BEGAIN: variants seen among roughly 807,000 people sequenced by gnomAD.
The protein encoded by BEGAIN is brain-enriched guanylate kinase-associated protein.
In BEGAIN, 19 loss-of-function variants were observed where a neutral mutation model predicts 35.8. The observed-to-expected ratio is 0.53, with a 90% CI of 0.37 to 0.78. The LOEUF (loss-of-function observed/expected upper bound fraction) is 0.78, where lower values mean the gene tolerates loss of function less well. Ranked by LOEUF, BEGAIN falls within the 30% of genes least tolerant of loss-of-function variation. The probability of loss-of-function intolerance (pLI) is 0.00; values close to 1 mark genes in which losing one functional copy is unlikely to be tolerated. For missense variants in BEGAIN, 795 were observed against 853.6 expected, an observed-to-expected ratio of 0.93 and a Z score of 0.85; for synonymous variants, 462 against 388.6, an observed-to-expected ratio of 1.19 and a Z score of -2.22.
chr14:100,560,813 C>T (rs1265823698), intron 2 of BEGAIN, among the ~76,000 whole-genome samples: 7 of 152,216 alleles, frequency 4.6e-5, no homozygotes, highest in African/African-American at 9.6e-5. Context: ...TCCTGCTTCC[C>T]GTCTCACGTC....
rs2034799059 is a variant in BEGAIN, at chr14:100,567,513, G to A, written c.71+398C>T. On this transcript the variant is annotated intron_variant, in intron 2 of 6. Coordinates refer to ENST00000554140, the MANE Select transcript of BEGAIN (RefSeq NM_001385089.1). This position sits in a 1 kb window ranked among gnomAD's most constrained non-coding sequence, Gnocchi z 5.1. ...GGGTGGTGGTTGGGGGTGGGGTGGGGTCGGGGGAGAGAGCGCCGGGGCAGT... is the reference window on the plus strand; with the variant it reads ...GGGTGGTGGTTGGGGGTGGGGTGGGATCGGGGGAGAGAGCGCCGGGGCAGT... Among the ~76,000 whole-genome samples, 1 of 151,572 alleles carries A rather than the reference G, an allele frequency of 6.6e-6. No homozygotes were observed. The highest frequency in any genetic ancestry group is 1.5e-5 in the Non-Finnish European group (1 of 67,760).
In BEGAIN at chr14:100,555,593, A is replaced by C. The variant is rs1370765142; in HGVS notation, c.72-8931T>G. On this transcript the variant is annotated intron_variant, in intron 2 of 6. Coordinates refer to ENST00000554140, the MANE Select transcript of BEGAIN (RefSeq NM_001385089.1). ...GAAACAGGTTCACAGCGCTCAAGGAACAGGGCCTGTCTGAGGTCACACAGC... is the reference window on the plus strand; with the variant it reads ...GAAACAGGTTCACAGCGCTCAAGGACCAGGGCCTGTCTGAGGTCACACAGC... Among the ~76,000 whole-genome samples the C allele has an allele frequency of 1.7e-4, 26 of 152,236 alleles. 1 individual carries two copies. The highest frequency in any genetic ancestry group is 2.9e-5 in the Non-Finnish European group (2 of 68,038).
intron 1 of BEGAIN, chr14:100,577,679 C>T (rs972712279): frequency 4.8e-5 from 19 of 399,014 alleles, no homozygotes; most frequent in African/African-American, 3.9e-4. Flanking sequence ...CCAGTGACAG[C>T]CCGGCTGCCT....
Position 100,537,881 on chromosome 14 carries a change from A to C in BEGAIN, c.*88T>G. On this transcript the variant is annotated 3_prime_UTR_variant, in exon 7 of 7. Coordinates refer to ENST00000554140, the MANE Select transcript of BEGAIN (RefSeq NM_001385089.1). ...TCGTTGTTGGCCGGGGCAGGGGAAC[A>C]GCGGGGGCTGGGGAGAGGTGAGGCC... 6.8e-7 allele frequency: 1 copy of C among 1,470,056 alleles called. No homozygotes were observed. Among genetic ancestry groups the C allele is most frequent in the Non-Finnish European group, 9.0e-7 (1 of 1,109,020 alleles). 91.1% of individuals were successfully genotyped at this position (1,470,056 alleles called of 1,614,324 possible). A position where few individuals can be genotyped will look rare whatever the true frequency, so the allele number is the denominator to read the frequency against.
In BEGAIN at chr14:100,586,855, G is replaced by T. The variant is rs1428507648; in HGVS notation, c.42+394C>A. On this transcript the variant is annotated intron_variant, in intron 1 of 6. Coordinates refer to ENST00000554140, the MANE Select transcript of BEGAIN (RefSeq NM_001385089.1). This position sits in a 1 kb window ranked among gnomAD's most constrained non-coding sequence, Gnocchi z 4.9. ...TGGCCCTGCCCCCAGACGCAGGCGG[G>T]TCCAGGCCTGCCCGCACCCTCGCCA... 6.6e-6 allele frequency among the ~76,000 whole-genome samples: 1 copy of T among 152,114 alleles called. No individual in the cohort carries two copies. The highest frequency in any genetic ancestry group is 2.4e-5 in the African/African-American group (1 of 41,444).
At chr14:100,579,022 G>A (rs1052431677) in intron 1 of BEGAIN, among the ~76,000 whole-genome samples, 14 of 152,008 alleles carry the variant, frequency 9.2e-5, no homozygotes, top group African/African-American at 3.1e-4. Flanking sequence ...TACCATGCCT[G>A]GCTAATTTTT....
Position 100,539,178 on chromosome 14 carries a change from G to T in BEGAIN, c.630C>A (p.Asp210Glu). The T allele has an allele frequency of 6.3e-7, 1 of 1,583,170 alleles. No homozygotes were observed. The highest frequency in any genetic ancestry group is 2.3e-5 in the East Asian group (1 of 44,384). Residue 210 changes from aspartate to glutamate, a missense_variant, in exon 7 of 7, where the codon GAC becomes GAA. Coordinates refer to ENST00000554140, the MANE Select transcript of BEGAIN (RefSeq NM_001385089.1). ...ACAGGCGGGAGGACAGGCTGGCGGGGTCCGGCTTCTCCAGCACCTTGGCAA... is the reference window on the plus strand; with the variant it reads ...ACAGGCGGGAGGACAGGCTGGCGGGTTCCGGCTTCTCCAGCACCTTGGCAA... ...CVIAKVLEKP[D>E]PASLSSRLSD...
At chr14:100,570,927 C>T (rs1004583416) in intron 1 of BEGAIN, among the ~76,000 whole-genome samples, 6 of 152,306 alleles carry the variant, frequency 3.9e-5, no homozygotes, top group Admixed American at 2.0e-4. Flanking sequence ...TGGAGAACCG[C>T]GGCGCTGCCT....
At chr14:100,555,423 C>T (rs1025315761) in intron 2 of BEGAIN, among the ~76,000 whole-genome samples, 1 of 152,244 alleles carries the variant, frequency 6.6e-6, no homozygotes, top group African/African-American at 2.4e-5. Flanking sequence ...TGACTCTGTC[C>T]TTTGTGTGGC....
At chr14:100,539,439 G>C in intron 6 of BEGAIN, 124 bp from the exon 7 acceptor site, 1 of 1,431,840 alleles carries the variant, frequency 7.0e-7, no homozygotes, top group Non-Finnish European at 9.1e-7. Flanking sequence ...ACGAACGGGG[G>C]CCTCCCGGCT....
Position 100,543,990 on chromosome 14 carries a change from G to A in BEGAIN, c.301-25C>T, listed in dbSNP as rs762843637. On this transcript the variant is annotated intron_variant, in intron 4 of 6. Transcript: ENST00000554140. ...CCTGGGGGTGGGACAGTGGGAGGAG[G>A]AGGCCCGTGGTTGGCTCCTGGTGAG... 8 of 1,573,740 alleles carry A rather than the reference G, an allele frequency of 5.1e-6. No homozygotes were observed. The African/African-American group carries it at 8.1e-5, about 16-fold the overall frequency.
At position 100,540,593 on chromosome 14, in the gene BEGAIN, G is replaced by T; in HGVS notation, c.409-14C>A. Reference sequence around the variant, plus strand: ...CCTATAGAGCTCCTAAAAGACAAGAGAAGGCGTTTGGCGCCATTCACCCCA... The same window carrying T: ...CCTATAGAGCTCCTAAAAGACAAGATAAGGCGTTTGGCGCCATTCACCCCA... On this transcript the variant is annotated splice_polypyrimidine_tract_variant and intron_variant, in intron 5 of 6. Transcript: ENST00000554140. 6.3e-7 allele frequency: 1 copy of T among 1,584,886 alleles called. No individual in the cohort carries two copies. The highest frequency in any genetic ancestry group is 8.6e-7 in the Non-Finnish European group (1 of 1,163,950).
At chr14:100,561,484 C>A (rs996221329) in intron 2 of BEGAIN, among the ~76,000 whole-genome samples, 1 of 152,304 alleles carries the variant, frequency 6.6e-6, no homozygotes, top group Non-Finnish European at 1.5e-5. Flanking sequence ...TGTGGTGGCT[C>A]ATGTCTGTAA....
chr14:100,540,150 C>T, intron 6 of BEGAIN: 1 of 277,016 alleles, frequency 3.6e-6, no homozygotes, highest in Non-Finnish European at 6.8e-6. Context: ...TCATCGTGCC[C>T]AGCCACAGGC....
At chr14:100,574,415 C>T (rs1024758488) in intron 1 of BEGAIN, among the ~76,000 whole-genome samples, 19 of 152,194 alleles carry the variant, frequency 1.2e-4, no homozygotes, top group Admixed American at 3.9e-4. Context: ...TCCCTTTTCC[C>T]AGCTGTGCCC....
At chr14:100,541,774 TG>T (rs2031654761) in intron 5 of BEGAIN, among the ~76,000 whole-genome samples, 1 of 152,172 alleles carries the variant, frequency 6.6e-6, no homozygotes, top group African/African-American at 2.4e-5. Flanking sequence ...CCCAAGCCCC[TG>T]GGCTGTCCAT....
chr14:100,538,999 A>T lies in BEGAIN; in HGVS notation c.809T>A (p.Val270Glu), dbSNP rs774054456. 2 of 1,610,446 alleles carry T rather than the reference A, an allele frequency of 1.2e-6. No homozygotes were observed. Among genetic ancestry groups the T allele is most frequent in the Non-Finnish European group, 1.7e-6 (2 of 1,178,990 alleles). The change falls in exon 7 of 7, where the codon GTG (valine) becomes GAG (glutamate). Residue 270 changes from valine to glutamate, a missense_variant. Around this residue, in one of 3 missense-constraint regions of BEGAIN, gnomAD observed 664 missense variants for 647.7 expected, o/e 1.03. Transcript: ENST00000554140. ...GGCCCGCAGGAAGCCCACGTCGGTC[A>T]CGGGCGCGTCCACGCTAGGCCGCCG... ...RDRRPSVDAP[V>E]TDVGFLRAQN...
At position 100,568,754 on chromosome 14, in the gene BEGAIN, C is replaced by T. The variant is rs2034942069; in HGVS notation, c.43-815G>A. ...GGACCGCGAGCGGCCCGGGCGGGAT[C>T]GCACTTCCTGCGTGGAGCTGGGGGC... On this transcript the variant is annotated intron_variant, in intron 1 of 6. Transcript: ENST00000554140. This position sits in a 1 kb window ranked among gnomAD's most constrained non-coding sequence, Gnocchi z 7.5. The T allele has an allele frequency of 1.4e-6, 1 of 694,522 alleles. No individual in the cohort carries two copies. The highest frequency in any genetic ancestry group is 1.8e-6 in the Non-Finnish European group (1 of 562,704). 43.0% of individuals were successfully genotyped at this position (694,522 alleles called of 1,614,324 possible).
rs1595156379 is a variant in BEGAIN at position 100,586,312 on chromosome 14, A to C, written c.42+937T>G. 6.6e-6 allele frequency among the ~76,000 whole-genome samples: 1 copy of C among 151,936 alleles called. No individual in the cohort carries two copies. Among genetic ancestry groups the C allele is most frequent in the Non-Finnish European group, 1.5e-5 (1 of 67,962 alleles). ...AGCCTGGCTGTGGAGACCCCGCCCC[A>C]CCCATACCCCCAGGGCCTGGACCCC... On this transcript the variant is annotated intron_variant, in intron 1 of 6. Coordinates refer to ENST00000554140, the MANE Select transcript of BEGAIN (RefSeq NM_001385089.1). This position sits in a 1 kb window ranked among gnomAD's most constrained non-coding sequence, Gnocchi z 4.9.
Sources: allele counts gnomAD v4.1 joint callset (sites outside exome capture counted in the v4.1 genomes callset), GRCh38; gene constraint gnomAD v4.1.1; regional missense constraint gnomAD v4.1.1; non-coding constraint Gnocchi (gnomAD v3.1); transcripts MANE v1.5; gene names NCBI Gene and HGNC (gene_info 2026-07-23, HGNC 2026-07-21).